Variants in PXDNL observed in about 807,000 individuals in gnomAD.
PXDNL encodes probable oxidoreductase PXDNL.
PXDNL carries 145 observed loss-of-function variants against 150.8 expected under a neutral mutation model. The ratio of observed to expected loss-of-function variants is 0.96; its 90% confidence interval spans 0.84 to 1.10. The LOEUF is 1.10. PXDNL is among the 50% of genes least tolerant of loss of function. The pLI, the probability that PXDNL is intolerant of heterozygous loss-of-function variation, is 0.00. For synonymous variants in PXDNL, 757 were observed against 725.7 expected, an observed-to-expected ratio of 1.04 and a Z score of -0.69; for missense variants, 2,087 against 1,873.9, an observed-to-expected ratio of 1.11 and a Z score of -2.10.
At chr8:51,753,374 G>A (rs2037067086) in intron 1 of PXDNL, among the ~76,000 whole-genome samples, 1 of 152,198 alleles carries the variant, frequency 6.6e-6, no homozygotes, top group African/African-American at 2.4e-5. Context: ...AGAGTGTCCT[G>A]AAGGAAAGAG....
intron 4 of PXDNL, among the ~76,000 whole-genome samples, chr8:51,513,345 C>T (rs1811465743): frequency 6.6e-6 from 1 of 152,170 alleles, no homozygotes; most frequent in African/African-American, 2.4e-5. Flanking sequence ...CTGCACTGTG[C>T]CTTGTGAAAG....
At chr8:51,439,968 T>C (rs1174904461) in intron 12 of PXDNL, among the ~76,000 whole-genome samples, 1 of 151,548 alleles carries the variant, frequency 6.6e-6, no homozygotes, top group Non-Finnish European at 1.5e-5. Context: ...CAATTTGCAA[T>C]TGCAAAAATA....
chr8:51,388,275 C>T (rs1394840998), intron 17 of PXDNL, among the ~76,000 whole-genome samples: 2 of 152,148 alleles, frequency 1.3e-5, no homozygotes, highest in African/African-American at 4.8e-5. Context: ...TTTATAAAAA[C>T]ACAAACAGTA....
At position 51,765,393 on chromosome 8, in the gene PXDNL, A is replaced by G. The variant is rs374517353; in HGVS notation, c.164+43788T>C. 2.6e-5 allele frequency among the ~76,000 whole-genome samples: 4 copies of G among 152,288 alleles called. No individual in the cohort carries two copies. In the East Asian group the frequency reaches 7.7e-4, roughly 29 times the overall value. ...TCTGACATGATTATGAGGCCTCCCC[A>G]GCCACGCAGAACTGTGAGTCCATTA... is the stretch of plus-strand genomic sequence containing the variant. On this transcript the variant is annotated intron_variant, in intron 1 of 22. Coordinates refer to ENST00000356297, the MANE Select transcript of PXDNL (RefSeq NM_144651.5).
At chr8:51,359,843 T>C (rs925757266) in intron 19 of PXDNL, among the ~76,000 whole-genome samples, 3 of 151,972 alleles carry the variant, frequency 2.0e-5, no homozygotes, top group Admixed American at 1.3e-4. Context: ...AATTGCAATA[T>C]AAGAAACTAG....
At chr8:51,775,849 C>G (rs1554514985) in intron 1 of PXDNL, among the ~76,000 whole-genome samples, 1 of 152,172 alleles carries the variant, frequency 6.6e-6, no homozygotes, top group Non-Finnish European at 1.5e-5. Flanking sequence ...AGGGAGATAA[C>G]TATGAGGTCT....
chr8:51,787,063 T>C (rs547638420), intron 1 of PXDNL, among the ~76,000 whole-genome samples: 2 of 145,496 alleles, frequency 1.4e-5, no homozygotes, highest in South Asian at 4.3e-4. Flanking sequence ...CAGAGTTTAC[T>C]GAATATTTTA....
At chr8:51,568,861 C>G (rs1812875366) in intron 3 of PXDNL, among the ~76,000 whole-genome samples, 1 of 151,890 alleles carries the variant, frequency 6.6e-6, no homozygotes, top group African/African-American at 2.4e-5. Flanking sequence ...CTGATTCTTT[C>G]CTCAGCCATA....
At chr8:51,361,419 A>C (rs1215355362) in intron 19 of PXDNL, among the ~76,000 whole-genome samples, 1 of 152,180 alleles carries the variant, frequency 6.6e-6, no homozygotes, top group Non-Finnish European at 1.5e-5. Context: ...GGTAGAAAAA[A>C]AATCATTGAC....
At chr8:51,463,437 C>A (rs948659444) in intron 8 of PXDNL, among the ~76,000 whole-genome samples, 1 of 152,046 alleles carries the variant, frequency 6.6e-6, no homozygotes, top group African/African-American at 2.4e-5. Context: ...AGAAAGATTT[C>A]TCATGTAATT....
chr8:51,745,018 G>GAAAAGGGAAC (rs1437469431), intron 1 of PXDNL, among the ~76,000 whole-genome samples: 2 of 149,974 alleles, frequency 1.3e-5, no homozygotes, highest in African/African-American at 4.9e-5. Context: ...AAGGAAGGAA[G>GAAAAGGGAAC]AAAGAAAGAA....
chr8:51,646,131 A>G (rs371333920), intron 2 of PXDNL, among the ~76,000 whole-genome samples: 31 of 152,322 alleles, frequency 2.0e-4, no homozygotes, highest in South Asian at 1.9e-3. Flanking sequence ...GGGCCCCTCA[A>G]GAAGGAATTA....
At chr8:51,748,590 A>G (rs1303782102) in intron 1 of PXDNL, among the ~76,000 whole-genome samples, 1 of 152,218 alleles carries the variant, frequency 6.6e-6, no homozygotes, top group African/African-American at 2.4e-5. Flanking sequence ...GAACAGCTGG[A>G]AAGTTTGTTT....
intron 4 of PXDNL, among the ~76,000 whole-genome samples, chr8:51,538,955 T>C (rs1812151706): frequency 1.3e-5 from 2 of 152,168 alleles, no homozygotes; most frequent in Admixed American, 6.5e-5. Flanking sequence ...TCTGAATTCC[T>C]TCCATTTATT....
intron 8 of PXDNL, among the ~76,000 whole-genome samples, chr8:51,465,218 C>T (rs1810178480): frequency 6.6e-6 from 1 of 152,136 alleles, no homozygotes. Context: ...ACCAAGTAGG[C>T]TTTATTCCTG....
chr8:51,800,939 A>G (rs559110316), intron 1 of PXDNL, among the ~76,000 whole-genome samples: 14 of 152,300 alleles, frequency 9.2e-5, no homozygotes, highest in African/African-American at 3.4e-4. Context: ...AAATCAGTGC[A>G]CCTTGGAAAC....
chr8:51,662,439 A>G (rs1201732814), intron 1 of PXDNL, among the ~76,000 whole-genome samples: 3 of 152,136 alleles, frequency 2.0e-5, no homozygotes, highest in African/African-American at 7.2e-5. Flanking sequence ...AATCTCTTGA[A>G]CCCAGGAGGT....
rs77799144 is a variant in PXDNL at position 51,694,039 on chromosome 8, T to G, written c.165-39279A>C. Among the ~76,000 whole-genome samples the G allele has an allele frequency of 7.7e-4, 117 of 152,326 alleles. 1 individual carries two copies. Among genetic ancestry groups the G allele is most frequent in the African/African-American group, 2.7e-3 (113 of 41,584 alleles). The stretch of plus-strand genomic sequence containing the variant: ...ACTCTTTTTGGGGAAACAGCCACTT[T>G]CTTCTTATCACCTTCCACCCACCAA... On this transcript the variant is annotated intron_variant, in intron 1 of 22. Transcript: ENST00000356297.
At chr8:51,608,059 AAGCAAGC>A (rs1563481790) in intron 2 of PXDNL, among the ~76,000 whole-genome samples, 10,703 of 105,738 alleles carry the variant, frequency 0.1, 717 homozygotes, top group Non-Finnish European at 0.11. Context: ...GAAAGAAAGC[AAGCAAGC>A]AAGCAAGCAA....
Sources: allele counts gnomAD v4.1 joint callset (sites outside exome capture counted in the v4.1 genomes callset), GRCh38; gene constraint gnomAD v4.1.1; transcripts MANE v1.5; gene names NCBI Gene and HGNC (gene_info 2026-07-23, HGNC 2026-07-21).